PLEKHA7: variants seen among roughly 807,000 people sequenced by gnomAD.
The protein encoded by PLEKHA7 is pleckstrin homology domain containing A7.
In PLEKHA7, 104 loss-of-function variants were observed where a neutral mutation model predicts 170.0. The ratio of observed to expected loss-of-function variants is 0.61; its 90% CI spans 0.52 to 0.72. The LOEUF (loss-of-function observed/expected upper bound fraction) is 0.72. PLEKHA7 is among the 30% of genes least tolerant of loss of function. The pLI, the probability that PLEKHA7 is intolerant of heterozygous loss-of-function variation, is 0.00. For synonymous variants in PLEKHA7, 648 were observed against 660.8 expected, an observed-to-expected ratio of 0.98 and a Z score of 0.30; for missense variants, 1,615 against 1,671.7, an observed-to-expected ratio of 0.97 and a Z score of 0.59.
In PLEKHA7 at chr11:17,010,413, AAAG is replaced by A. The variant is rs752969677; in HGVS notation, c.221+3573_221+3575del. ...TTAAAAAAAAAAAGAAAGAAAAAGAAAAGAAAGAAAAGAAATGGACTCTGGAGA... is the reference window on the plus strand; with the variant it reads ...TTAAAAAAAAAAAGAAAGAAAAAGAAAAAGAAAAGAAATGGACTCTGGAGA... On this transcript the variant is annotated intron_variant, in intron 3 of 26. Coordinates refer to ENST00000531066, the MANE Select transcript of PLEKHA7 (RefSeq NM_001329630.2). Among the ~76,000 whole-genome samples the A allele has an allele frequency of 4.3e-3, 400 of 93,552 alleles. 2 individuals are homozygous for A. The highest frequency in any genetic ancestry group is 0.017 in the Middle Eastern group (3 of 178). 61.4% of individuals were successfully genotyped at this position (93,552 alleles called of 152,430 possible).
intron 3 of PLEKHA7, among the ~76,000 whole-genome samples, chr11:16,997,167 C>T (rs185846203): frequency 5.3e-5 from 8 of 152,248 alleles, no homozygotes; most frequent in Non-Finnish European, 1.2e-4. Flanking sequence ...CTGCTCCCAT[C>T]ACCACCCCTC....
intron 3 of PLEKHA7, among the ~76,000 whole-genome samples, chr11:16,987,525 C>T (rs1863809501): frequency 6.6e-6 from 1 of 152,168 alleles, no homozygotes; most frequent in African/African-American, 2.4e-5. Context: ...GGCATTGGTT[C>T]TAACCTTTGC....
Position 16,789,036 on chromosome 11 carries a change from G to A in PLEKHA7, c.3357+60C>T, listed in dbSNP as rs753161997. 32 of 1,549,236 alleles carry A rather than the reference G, an allele frequency of 2.1e-5. No homozygotes were observed. The East Asian group carries it at 4.4e-4, about 21-fold the overall frequency. On this transcript the variant is annotated intron_variant, in intron 23 of 26. Coordinates refer to ENST00000531066, the MANE Select transcript of PLEKHA7 (RefSeq NM_001329630.2). The surrounding 1 kb of genome is among the most constrained non-coding windows in gnomAD (Gnocchi z 4.6). Reference sequence around the variant, plus strand: ...AGGTGTGATGTGCTTGTGTTTGGGGGACTCTGAGGGGCACTCGGCTCCCTG... The same window carrying A: ...AGGTGTGATGTGCTTGTGTTTGGGGAACTCTGAGGGGCACTCGGCTCCCTG...
intron 3 of PLEKHA7, among the ~76,000 whole-genome samples, chr11:16,981,432 G>A (rs1481286985): frequency 6.6e-6 from 1 of 152,070 alleles, no homozygotes; most frequent in African/African-American, 2.4e-5. Context: ...GACCACCCTG[G>A]TCCACGGAAG....
At chr11:16,983,838 C>CAAGACTAGA (rs1401313027) in intron 3 of PLEKHA7, among the ~76,000 whole-genome samples, 1 of 152,138 alleles carries the variant, frequency 6.6e-6, no homozygotes, top group Non-Finnish European at 1.5e-5. Flanking sequence ...GGGCCCAGGC[C>CAAGACTAGA]AAGACTAGAA....
Position 16,801,832 on chromosome 11 carries a change from G to A in PLEKHA7, c.2158-15C>T, listed in dbSNP as rs1848616105. Reference sequence around the variant, plus strand: ...TCTAGCTGGTCCTGCACCACGAAGGGCCAAAAAACAGCAGGATAGGAGGAC... The same window carrying A: ...TCTAGCTGGTCCTGCACCACGAAGGACCAAAAAACAGCAGGATAGGAGGAC... On this transcript the variant is annotated splice_polypyrimidine_tract_variant and intron_variant, in intron 15 of 26. Transcript: ENST00000531066. 1.2e-6 allele frequency: 2 copies of A among 1,613,442 alleles called. No homozygotes were observed. Among genetic ancestry groups the A allele is most frequent in the Non-Finnish European group, 1.7e-6 (2 of 1,179,886 alleles).
At chr11:16,870,403 A>G (rs956293190) in intron 4 of PLEKHA7, among the ~76,000 whole-genome samples, 4 of 152,054 alleles carry the variant, frequency 2.6e-5, no homozygotes, top group African/African-American at 9.7e-5. Context: ...CTGAGGCAGG[A>G]GGATTGCTTC....
intron 3 of PLEKHA7, among the ~76,000 whole-genome samples, chr11:16,950,202 C>T (rs1861315240): frequency 6.6e-6 from 1 of 152,028 alleles, no homozygotes; most frequent in Non-Finnish European, 1.5e-5. Context: ...TGCTATATAC[C>T]ACGCCCTAGA....
At chr11:16,883,256 G>A (rs1855844269) in intron 3 of PLEKHA7, among the ~76,000 whole-genome samples, 1 of 152,208 alleles carries the variant, frequency 6.6e-6, no homozygotes, top group Non-Finnish European at 1.5e-5. Flanking sequence ...ACTCTTAAGA[G>A]TGGAGGAACA....
intron 9 of PLEKHA7, 62 bp from the exon 10 acceptor site, chr11:16,826,652 G>T: frequency 7.0e-7 from 1 of 1,431,656 alleles, no homozygotes; most frequent in Non-Finnish European, 9.6e-7. Context: ...GAAATGCACT[G>T]TACACTCAAT....
intron 3 of PLEKHA7, among the ~76,000 whole-genome samples, chr11:16,921,864 CAA>C (rs1859118196): frequency 6.6e-6 from 1 of 152,184 alleles, no homozygotes; most frequent in Admixed American, 6.5e-5. Context: ...GACACTGGCT[CAA>C]AGAGATAAAA....
chr11:16,889,420 A>AAAAAAATATATATAT (rs61086849), intron 3 of PLEKHA7, among the ~76,000 whole-genome samples: 5 of 74,686 alleles, frequency 6.7e-5, no homozygotes, highest in Non-Finnish European at 1.2e-4. Context: ...AAAAAAAAAA[A>AAAAAAATATATATAT]ATATATATAT....
At chr11:16,901,141 C>G (rs886591685) in intron 3 of PLEKHA7, among the ~76,000 whole-genome samples, 6 of 152,148 alleles carry the variant, frequency 3.9e-5, no homozygotes, top group Non-Finnish European at 7.3e-5. Flanking sequence ...GCCACTGCAC[C>G]CAGCCATGAT....
At chr11:16,816,344 T>A in intron 11 of PLEKHA7, 80 bp from the exon 12 acceptor site, 1 of 979,328 alleles carries the variant, frequency 1.0e-6, no homozygotes, top group Non-Finnish European at 1.6e-6. Context: ...CCATGCCATG[T>A]CCCCTCTGAG....
chr11:16,968,414 C>T (rs1862505449), intron 3 of PLEKHA7, among the ~76,000 whole-genome samples: 2 of 152,218 alleles, frequency 1.3e-5, no homozygotes, highest in Non-Finnish European at 2.9e-5. Context: ...CAGGCCTCCT[C>T]CTGGCCATGT....
At chr11:16,820,799 T>C (rs1250542730) in intron 10 of PLEKHA7, among the ~76,000 whole-genome samples, 1 of 152,124 alleles carries the variant, frequency 6.6e-6, no homozygotes, top group Non-Finnish European at 1.5e-5. Context: ...CCTAAGCTCA[T>C]CCTCTAACCT....
intron 3 of PLEKHA7, among the ~76,000 whole-genome samples, chr11:16,952,333 G>A (rs955601377): frequency 7.9e-5 from 12 of 152,252 alleles, no homozygotes; most frequent in South Asian, 6.2e-4. Context: ...GAATAAAAAT[G>A]ACGGCAAAAC....
chr11:16,822,448 G>A (rs1850297161), intron 10 of PLEKHA7, among the ~76,000 whole-genome samples: 1 of 149,886 alleles, frequency 6.7e-6, no homozygotes, highest in Non-Finnish European at 1.5e-5. Context: ...TTCCTTCAGG[G>A]GTGCCCAGCC....
chr11:16,927,795 AG>A (rs1859668506), intron 3 of PLEKHA7, among the ~76,000 whole-genome samples: 1 of 152,262 alleles, frequency 6.6e-6, no homozygotes, highest in Non-Finnish European at 1.5e-5. Flanking sequence ...TTTATCCGCA[AG>A]GATGTTCATC....
Sources: gnomAD v4.1 joint callset for allele counts (sites outside exome capture counted in the v4.1 genomes callset) on GRCh38, gnomAD v4.1.1 for gene constraint, Gnocchi (gnomAD v3.1) non-coding constraint, MANE v1.5 for transcripts, NCBI Gene and HGNC (gene_info 2026-07-23, HGNC 2026-07-21) for gene names.